Variants in KDM3B observed in about 807,000 individuals in gnomAD.
KDM3B encodes the protein lysine-specific demethylase 3B.
Under a neutral mutation model 170.0 loss-of-function variants are expected in KDM3B, and 10 were observed. The ratio of observed to expected loss-of-function variants is 0.06; its 90% CI spans 0.04 to 0.10. KDM3B has a LOEUF of 0.10. Ranked by LOEUF, KDM3B falls within the 10% of genes least tolerant of loss-of-function variation. The pLI is 1.00. For missense variants in KDM3B, 1,394 were observed against 2,195.2 expected (o/e 0.64, Z 7.29); for synonymous variants, 831 against 834.8 (o/e 1.00, Z 0.08).
chr5:138,375,790 C>T (rs777201888), intron 3 of KDM3B, among the ~76,000 whole-genome samples: 2 of 152,104 alleles, frequency 1.3e-5, no homozygotes, highest in Non-Finnish European at 2.9e-5. Flanking sequence ...AATTCTCCTG[C>T]CTCAGCCTCC....
chr5:138,384,336 A>AT (rs1016600649), intron 6 of KDM3B, among the ~76,000 whole-genome samples: 1 of 151,764 alleles, frequency 6.6e-6, no homozygotes, highest in African/African-American at 2.4e-5. Context: ...GTGGTGGCTC[A>AT]TACCTGTAAT....
At chr5:138,431,984 C>T (rs1763543777) in intron 23 of KDM3B, among the ~76,000 whole-genome samples, 1 of 152,126 alleles carries the variant, frequency 6.6e-6, no homozygotes, top group Admixed American at 6.5e-5. Context: ...AGGCTGCTCT[C>T]AAACTACTGG....
intron 1 of KDM3B, among the ~76,000 whole-genome samples, chr5:138,360,812 G>A (rs975458488): frequency 6.6e-6 from 1 of 152,036 alleles, no homozygotes; most frequent in African/African-American, 2.4e-5. Flanking sequence ...GGCTGGTCTC[G>A]AACTCCTGAC....
chr5:138,424,928 G>A (rs1043997268), intron 16 of KDM3B, among the ~76,000 whole-genome samples: 2 of 152,220 alleles, frequency 1.3e-5, no homozygotes, highest in Non-Finnish European at 2.9e-5. Context: ...TATCTTTAGA[G>A]AAAAATCCTT....
chr5:138,434,437 A>G (rs1763622279), intron 23 of KDM3B, among the ~76,000 whole-genome samples: 1 of 151,738 alleles, frequency 6.6e-6, no homozygotes, highest in African/African-American at 2.4e-5. Flanking sequence ...AGTCCCAGCT[A>G]CTTGGGAGGC....
At chr5:138,413,391 AAAAAG>A (rs1192635910) in intron 11 of KDM3B, among the ~76,000 whole-genome samples, 1 of 152,112 alleles carries the variant, frequency 6.6e-6, no homozygotes, top group Non-Finnish European at 1.5e-5. Context: ...TCAAAAAAAA[AAAAAG>A]AAAACCGGAC....
chr5:138,355,768 T>C (rs1313128879), intron 1 of KDM3B, among the ~76,000 whole-genome samples: 1 of 152,198 alleles, frequency 6.6e-6, no homozygotes. Flanking sequence ...ATGGGTATTG[T>C]AGATAAAACA....
At chr5:138,380,896 CAG>C (rs1222136663) in intron 5 of KDM3B, among the ~76,000 whole-genome samples, 2 of 148,464 alleles carry the variant, frequency 1.3e-5, no homozygotes, top group East Asian at 4.0e-4. Context: ...CTTTTTGAGA[CAG>C]AGATTTGCTT....
Position 138,420,738 on chromosome 5 carries a change from G to A in KDM3B, c.3748G>A (p.Glu1250Lys). ...GTCCCTGAGGTCGGTGCTCAATAAA[G>A]AGTCTCATTCACCCTTTGGGCTGGA... ...AGSLRSVLNK[E>K]SHSPFGLDSF... The change falls in exon 15 of 24, where the codon GAG becomes AAG. Residue 1250 changes from glutamate to lysine, a missense_variant. By Grantham distance (56) the Glu-to-Lys change is moderately conservative (BLOSUM62 1). Around this residue, in one of 19 missense-constraint regions of KDM3B, gnomAD observed 137 missense variants for 166.9 expected, o/e 0.82. Transcript: ENST00000314358. 1 of 1,614,110 alleles carries A rather than the reference G, an allele frequency of 6.2e-7. No homozygotes were observed. Among genetic ancestry groups the A allele is most frequent in the East Asian group, 2.2e-5 (1 of 44,876 alleles).
intron 1 of KDM3B, among the ~76,000 whole-genome samples, chr5:138,363,301 G>A (rs1276304640): frequency 1.3e-5 from 2 of 152,090 alleles, no homozygotes; most frequent in Admixed American, 6.5e-5. Flanking sequence ...TTTCTACTCC[G>A]TGGCCCCGTT....
Position 138,419,082 on chromosome 5 carries a change from G to A in KDM3B, c.3565G>A (p.Glu1189Lys). 7 of 1,614,216 alleles carry A rather than the reference G, an allele frequency of 4.3e-6. No homozygotes were observed. The highest frequency in any genetic ancestry group is 5.9e-6 in the Non-Finnish European group (7 of 1,180,050). ...AGCCGACAGCACTGACATCAGATCT[G>A]AAGAGCCTCTGAAAACAGACAGTTC... ...PKADSTDIRS[E>K]EPLKTDSSAS... The change falls in exon 14 of 24, where the codon GAA becomes AAA. Residue 1189 changes from glutamate to lysine, a missense_variant. Glu to Lys is a moderately conservative substitution (Grantham distance 56). This residue lies in a region of KDM3B where 87 missense variants were observed against 83.3 expected (regional missense o/e 1.04). Coordinates refer to ENST00000314358, the MANE Select transcript of KDM3B (RefSeq NM_016604.4).
intron 7 of KDM3B, among the ~76,000 whole-genome samples, chr5:138,388,311 GTTC>G (rs1762334264): frequency 1.3e-5 from 2 of 151,924 alleles, no homozygotes; most frequent in African/African-American, 4.8e-5. Context: ...TTTCTGTTTG[GTTC>G]TTCTTCTAGG....
chr5:138,399,608 A>G (rs1221283864), intron 10 of KDM3B, among the ~76,000 whole-genome samples: 3 of 152,086 alleles, frequency 2.0e-5, no homozygotes, highest in African/African-American at 4.8e-5. Context: ...CCTTTTTGAC[A>G]ATAGGTTATA....
intron 1 of KDM3B, among the ~76,000 whole-genome samples, chr5:138,365,637 T>TC (rs1302545944): frequency 1.3e-5 from 2 of 152,028 alleles, no homozygotes. Flanking sequence ...TCCAGTTTCT[T>TC]CCATCCATAT....
In KDM3B at chr5:138,352,794, C is replaced by A; in HGVS notation, c.-2C>A. 1 of 1,282,898 alleles carries A rather than the reference C, an allele frequency of 7.8e-7. No homozygotes were observed. The highest frequency in any genetic ancestry group is 3.8e-5 in the Admixed American group (1 of 26,010). The allele number at this position is 1,282,898 out of a possible 1,614,324, so 79.5% of individuals were successfully genotyped here. ...GGAGCGCGGGTCAGGCCGGCCCCGGCGATGGCGGACGCGGCGGCCTCCCCG... is the reference window on the plus strand; with the variant it reads ...GGAGCGCGGGTCAGGCCGGCCCCGGAGATGGCGGACGCGGCGGCCTCCCCG... On this transcript the variant is annotated 5_prime_UTR_variant, in exon 1 of 24. Transcript: ENST00000314358.
At chr5:138,423,067 G>A (rs186431706) in intron 15 of KDM3B, among the ~76,000 whole-genome samples, 5 of 152,044 alleles carry the variant, frequency 3.3e-5, no homozygotes, top group Non-Finnish European at 7.4e-5. Flanking sequence ...AGCCTCCCGA[G>A]CAAGTAGCTG....
chr5:138,415,286 TG>T (rs1196342594), intron 12 of KDM3B, 47 bp downstream of exon 12: 1 of 1,294,404 alleles, frequency 7.7e-7, no homozygotes. Flanking sequence ...TGTTTTTAGT[TG>T]AGATAGCCAT....
chr5:138,388,401 G>A (rs1438800178), intron 7 of KDM3B, among the ~76,000 whole-genome samples: 1 of 151,992 alleles, frequency 6.6e-6, no homozygotes, highest in Non-Finnish European at 1.5e-5. Flanking sequence ...GGGAGGCCGA[G>A]GCGGGCGGAT....
In KDM3B at chr5:138,424,120, A is replaced by T; in HGVS notation, c.4018A>T (p.Ile1340Phe). The change falls in exon 16 of 24, where the codon ATT (isoleucine) becomes TTT (phenylalanine). Residue 1340 changes from isoleucine to phenylalanine, a missense_variant. Physicochemically the swap from Ile to Phe is conservative, Grantham distance 21. Coordinates refer to ENST00000314358, the MANE Select transcript of KDM3B (RefSeq NM_016604.4). ...ASLPNFLDHI[I>F]ASVVENKKTS... Reference sequence around the variant, plus strand: ...CCTACCCAACTTTCTTGACCACATCATTGCCTCAGTGGTAGAAAATAAGAA... The same window carrying T: ...CCTACCCAACTTTCTTGACCACATCTTTGCCTCAGTGGTAGAAAATAAGAA... 6.2e-7 allele frequency: 1 copy of T among 1,606,726 alleles called. No homozygotes were observed. The highest frequency in any genetic ancestry group is 8.5e-7 in the Non-Finnish European group (1 of 1,175,150).
Sources: gnomAD v4.1 joint callset for allele counts (sites outside exome capture counted in the v4.1 genomes callset) on GRCh38, gnomAD v4.1.1 for gene constraint, gnomAD v4.1.1 regional missense constraint, MANE v1.5 for transcripts, NCBI Gene and HGNC (gene_info 2026-07-23, HGNC 2026-07-21) for gene names.